The following PCDHGB5 variants were observed in gnomAD, a reference collection of about 807,000 sequenced individuals.
The protein encoded by PCDHGB5 is protocadherin gamma-B5.
A neutral mutation model predicts 62.9 loss-of-function variants in PCDHGB5; 48 were observed. The ratio of observed to expected loss-of-function variants is 0.76; its 90% CI spans 0.61 to 0.97. PCDHGB5 has a LOEUF of 0.97. Ranked by LOEUF, PCDHGB5 falls within the 50% of genes least tolerant of loss-of-function variation. The pLI is 0.00. For synonymous variants in PCDHGB5, 474 were observed against 511.2 expected (o/e 0.93, Z 0.98); for missense variants, 1,118 against 1,198.6 (o/e 0.93, Z 0.99).
intron 1 of PCDHGB5, chr5:141,415,384 A>C: frequency 1.9e-6 from 3 of 1,614,180 alleles, no homozygotes; most frequent in Non-Finnish European, 2.5e-6. Flanking sequence ...AGGCGGCTTG[A>C]CAGGTGTGTC....
At chr5:141,400,681 T>C in intron 1 of PCDHGB5, 157 bp downstream of exon 1, 1 of 834,118 alleles carries the variant, frequency 1.2e-6, no homozygotes, top group Non-Finnish European at 1.9e-6. Flanking sequence ...CAGTAAATTG[T>C]GAGTTTTTAT....
chr5:141,409,572 A>G (rs1440637025), intron 1 of PCDHGB5: 2 of 1,613,920 alleles, frequency 1.2e-6, no homozygotes, highest in South Asian at 1.1e-5. Context: ...CAGACGTCCT[A>G]CGTGGTCCAC....
Position 141,431,994 on chromosome 5 carries a change from G to A in PCDHGB5, c.2397+31470G>A, listed in dbSNP as rs2097434865. ...TTAGTCACAGACATAGTCTTGGATA[G>A]GGAACAGGTTCCTAGCTACAACATC... On this transcript the variant is annotated intron_variant, in intron 1 of 3. Coordinates refer to ENST00000617380, the MANE Select transcript of PCDHGB5 (RefSeq NM_018925.3). The surrounding 1 kb of genome is among the most constrained non-coding windows in gnomAD (Gnocchi z 4.8). 6.2e-7 allele frequency: 1 copy of A among 1,614,188 alleles called. No homozygotes were observed. Among genetic ancestry groups the A allele is most frequent in the Non-Finnish European group, 8.5e-7 (1 of 1,180,038 alleles).
chr5:141,409,328 T>A, intron 1 of PCDHGB5: 3 of 1,613,926 alleles, frequency 1.9e-6, no homozygotes, highest in Non-Finnish European at 2.5e-6. Context: ...GGATCTGGAT[T>A]TCGGAGGAAA....
At chr5:141,474,745 C>T (rs935430941) in intron 1 of PCDHGB5, among the ~76,000 whole-genome samples, 2 of 152,174 alleles carry the variant, frequency 1.3e-5, no homozygotes, top group East Asian at 3.9e-4. Context: ...AAGTGATGTC[C>T]AAGACAAATA....
intron 1 of PCDHGB5, chr5:141,415,040 CG>C (rs878992043): frequency 6.2e-7 from 1 of 1,613,520 alleles, no homozygotes; most frequent in East Asian, 2.2e-5. Flanking sequence ...GGACTCTTCG[CG>C]GTGGGGGAGC....
Position 141,476,464 on chromosome 5 carries a change from G to A in PCDHGB5, c.2398-18343G>A, listed in dbSNP as rs745664477. On this transcript the variant is annotated intron_variant, in intron 1 of 3. Transcript: ENST00000617380. This position sits in a 1 kb window ranked among gnomAD's most constrained non-coding sequence, Gnocchi z 7.6. ...TGGAGTTGGTAGTGGAGAACCCGCT[G>A]GAGCTGTTCAGCGTGGAAGTGGTGA... 3 of 1,614,140 alleles carry A rather than the reference G, an allele frequency of 1.9e-6. No homozygotes were observed. Among genetic ancestry groups the A allele is most frequent in the Non-Finnish European group, 2.5e-6 (3 of 1,180,014 alleles).
intron 1 of PCDHGB5, chr5:141,433,132 T>A (rs1168186406): frequency 6.2e-7 from 1 of 1,614,122 alleles, no homozygotes; most frequent in Non-Finnish European, 8.5e-7. Context: ...GCGAGCCCCT[T>A]TTGCTGTCAG....
At chr5:141,436,611 C>T (rs893312137) in intron 1 of PCDHGB5, among the ~76,000 whole-genome samples, 1 of 152,126 alleles carries the variant, frequency 6.6e-6, no homozygotes, top group Non-Finnish European at 1.5e-5. Context: ...CTAGGGCTAA[C>T]AAAAATCTGA....
rs770760145 is a variant in PCDHGB5 at position 141,421,951 on chromosome 5, A to C, written c.2397+21427A>C. On this transcript the variant is annotated intron_variant, in intron 1 of 3. Transcript: ENST00000617380. Reference sequence around the variant, plus strand: ...CCTCGATGTAAATGATCACATCCCAATGTTTACACAGTCCGTATATCGCGT... The same window carrying C: ...CCTCGATGTAAATGATCACATCCCACTGTTTACACAGTCCGTATATCGCGT... 1.9e-6 allele frequency: 3 copies of C among 1,612,854 alleles called. No homozygotes were observed. The highest frequency in any genetic ancestry group is 2.5e-6 in the Non-Finnish European group (3 of 1,179,434).
Position 141,491,030 on chromosome 5 carries a change from C to T in PCDHGB5, c.2398-3777C>T. ...GTCACCAAGGTGACAGCCGTGGATG[C>T]TGATGCAGGCCACAATGCGTGGCTC... On this transcript the variant is annotated intron_variant, in intron 1 of 3. Transcript: ENST00000617380. The surrounding 1 kb of genome is among the most constrained non-coding windows in gnomAD (Gnocchi z 6.9). 6.2e-7 allele frequency: 1 copy of T among 1,614,148 alleles called. No individual in the cohort carries two copies. Among genetic ancestry groups the T allele is most frequent in the South Asian group, 1.1e-5 (1 of 91,088 alleles).
chr5:141,488,480 C>A (rs935896624), intron 1 of PCDHGB5, among the ~76,000 whole-genome samples: 6 of 152,298 alleles, frequency 3.9e-5, no homozygotes, highest in African/African-American at 1.4e-4. Flanking sequence ...GTTCCCCTAC[C>A]CAAAAACTGT....
At chr5:141,430,680 C>G (rs990086941) in intron 1 of PCDHGB5, 8 of 1,343,124 alleles carry the variant, frequency 6.0e-6, no homozygotes, top group Non-Finnish European at 8.0e-6. Context: ...TCCCAACTGT[C>G]CCATTCTATG....
At chr5:141,478,535 C>G (rs1359742091) in intron 1 of PCDHGB5, 1 of 1,607,794 alleles carries the variant, frequency 6.2e-7, no homozygotes, top group Non-Finnish European at 8.5e-7. Flanking sequence ...AGAGAGCGCC[C>G]CTCCCGGACA....
chr5:141,489,284 T>A lies in PCDHGB5; in HGVS notation c.2398-5523T>A. On this transcript the variant is annotated intron_variant, in intron 1 of 3. Transcript: ENST00000617380. This position sits in a 1 kb window ranked among gnomAD's most constrained non-coding sequence, Gnocchi z 4.5. ...CCACAGCTCGCTGGGAAATGGCAAG[T>A]GCTGTGCATGTTGTCCTTGTGCTGC... The A allele has an allele frequency of 6.4e-7, 1 of 1,570,016 alleles. No homozygotes were observed. The highest frequency in any genetic ancestry group is 2.2e-5 in the East Asian group (1 of 44,588).
intron 1 of PCDHGB5, among the ~76,000 whole-genome samples, chr5:141,447,749 T>G (rs1462661604): frequency 6.6e-6 from 1 of 152,196 alleles, no homozygotes; most frequent in Non-Finnish European, 1.5e-5. Context: ...GAGTCTTGCA[T>G]GTGACTGTAT....
intron 1 of PCDHGB5, among the ~76,000 whole-genome samples, chr5:141,434,467 T>C (rs1397980716): frequency 6.6e-6 from 1 of 152,226 alleles, no homozygotes; most frequent in Non-Finnish European, 1.5e-5. Flanking sequence ...TTTACCGGAA[T>C]GAGGGCAAGG....
In PCDHGB5 at chr5:141,489,652, C is replaced by A. The variant is rs767143028; in HGVS notation, c.2398-5155C>A. On this transcript the variant is annotated intron_variant, in intron 1 of 3. Transcript: ENST00000617380. The surrounding 1 kb of genome is among the most constrained non-coding windows in gnomAD (Gnocchi z 4.5). ...CTCTCCTAGCTTTGCCACCCCTGAG[C>A]GAGAGATGCGCATCTCAGAATCAGC... 34 of 1,614,024 alleles carry A rather than the reference C, an allele frequency of 2.1e-5. No homozygotes were observed. The Middle Eastern group carries it at 6.6e-4, about 31-fold the overall frequency.
rs777780708 is a variant in PCDHGB5, at chr5:141,489,934, G to C, written c.2398-4873G>C. ...AGGGACCACCCTTATCTCTGTCATC[G>C]TGCTGGACATCAATGATAATGCTCC... On this transcript the variant is annotated intron_variant, in intron 1 of 3. Transcript: ENST00000617380. The surrounding 1 kb of genome is among the most constrained non-coding windows in gnomAD (Gnocchi z 4.5). The C allele has an allele frequency of 1.4e-5, 23 of 1,614,176 alleles. No homozygotes were observed. Among genetic ancestry groups the C allele is most frequent in the Non-Finnish European group, 1.8e-5 (21 of 1,180,030 alleles).
Sources: gnomAD v4.1 joint callset for allele counts (sites outside exome capture counted in the v4.1 genomes callset) on GRCh38, gnomAD v4.1.1 for gene constraint, Gnocchi (gnomAD v3.1) non-coding constraint, MANE v1.5 for transcripts, NCBI Gene and HGNC (gene_info 2026-07-23, HGNC 2026-07-21) for gene names.